CIMAP3: variants seen among roughly 807,000 people sequenced by gnomAD.
CIMAP3 encodes ciliary microtubule-associated protein 3.
At chr1:111,327,429 T>C in the CIMAP3 span, among the ~76,000 whole-genome samples, 1 of 152,104 alleles carries the variant, frequency 6.6e-6, no homozygotes, top group South Asian at 2.1e-4. Flanking sequence ...TGTAGGAAAA[T>C]GGTCCCAGCT....
At chr1:111,344,767 A>T in the CIMAP3 span, among the ~76,000 whole-genome samples, 1 of 152,212 alleles carries the variant, frequency 6.6e-6, no homozygotes, top group Non-Finnish European at 1.5e-5. Flanking sequence ...TACCTAAATT[A>T]TTAATGGAAG....
chr1:111,327,882 C>A, the CIMAP3 span, among the ~76,000 whole-genome samples: 1 of 151,884 alleles, frequency 6.6e-6, no homozygotes, highest in Middle Eastern at 3.4e-3. Context: ...TATTTCTCAT[C>A]TTCTGCAAGC....
chr1:111,340,425 C>A, the CIMAP3 span, among the ~76,000 whole-genome samples: 1 of 152,004 alleles, frequency 6.6e-6, no homozygotes, highest in Non-Finnish European at 1.5e-5. Flanking sequence ...AGGCAACCCA[C>A]AAAATTGGAG....
the CIMAP3 span, among the ~76,000 whole-genome samples, chr1:111,337,485 A>C: frequency 6.6e-6 from 1 of 152,098 alleles, no homozygotes; most frequent in East Asian, 1.9e-4. Flanking sequence ...TAGGCTCAAA[A>C]TAAAAGGATG....
At chr1:111,328,156 T>C in the CIMAP3 span, among the ~76,000 whole-genome samples, 3 of 152,184 alleles carry the variant, frequency 2.0e-5, no homozygotes, top group Non-Finnish European at 4.4e-5. Flanking sequence ...AATTGTATAG[T>C]TTTGAGCGAT....
the CIMAP3 span, chr1:111,346,563 C>A: frequency 3.1e-6 from 5 of 1,598,770 alleles, no homozygotes; most frequent in African/African-American, 1.3e-5. Flanking sequence ...GGCCCTCTCC[C>A]CCTCCCCGCG....
At chr1:111,347,001 C>CCCT in the CIMAP3 span, 1 of 1,614,002 alleles carries the variant, frequency 6.2e-7, no homozygotes, top group Non-Finnish European at 8.5e-7. Context: ...ACAAGTTTGT[C>CCCT]CCTCTTAGGG....
At chr1:111,343,488 G>A in the CIMAP3 span, among the ~76,000 whole-genome samples, 1 of 152,178 alleles carries the variant, frequency 6.6e-6, no homozygotes, top group South Asian at 2.1e-4. Flanking sequence ...AATTCTTAAG[G>A]TCTTCATCAA....
chr1:111,345,432 C>G, the CIMAP3 span, among the ~76,000 whole-genome samples: 6 of 152,172 alleles, frequency 3.9e-5, no homozygotes, highest in Non-Finnish European at 8.8e-5. Flanking sequence ...ATTTGAATGT[C>G]ATGTGGGACA....
chr1:111,332,413 G>GAGTC, the CIMAP3 span, among the ~76,000 whole-genome samples: 5 of 152,280 alleles, frequency 3.3e-5, no homozygotes, highest in East Asian at 9.6e-4. Flanking sequence ...GTCTAGTTAT[G>GAGTC]AGTCTGCAGT....
At chr1:111,348,345 C>CGTATCTCGGTT in the CIMAP3 span, 1 of 594,800 alleles carries the variant, frequency 1.7e-6, no homozygotes, top group Admixed American at 3.2e-5. Context: ...GAACCACACC[C>CGTATCTCGGTT]GTATCTCGGT....
chr1:111,347,581 G>A, the CIMAP3 span: 3 of 763,320 alleles, frequency 3.9e-6, no homozygotes, highest in Admixed American at 4.5e-5. Context: ...ACTCCATTTC[G>A]ATGGCCCTGA....
chr1:111,325,224 G>C, the CIMAP3 span, among the ~76,000 whole-genome samples: 2,562 of 152,264 alleles, frequency 0.017, 77 homozygotes, highest in African/African-American at 0.057. Flanking sequence ...TTGTCCTTGT[G>C]TTAGCTCTGA....
chr1:111,337,556 T>C, the CIMAP3 span, among the ~76,000 whole-genome samples: 1 of 151,936 alleles, frequency 6.6e-6, no homozygotes, highest in Non-Finnish European at 1.5e-5. Context: ...TCCTAGTCTC[T>C]GATAAAACAG....
At chr1:111,335,533 G>T in the CIMAP3 span, among the ~76,000 whole-genome samples, 2 of 152,198 alleles carry the variant, frequency 1.3e-5, no homozygotes, top group Non-Finnish European at 2.9e-5. Flanking sequence ...AAAAAACAGC[G>T]CACCAGGAGA....
the CIMAP3 span, chr1:111,346,517 C>G: frequency 7.2e-7 from 1 of 1,397,328 alleles, no homozygotes; most frequent in Non-Finnish European, 9.8e-7. Flanking sequence ...AGTAGTGGCT[C>G]GGTGGACGCC....
At chr1:111,351,757 GT>G in the CIMAP3 span, 1 of 153,890 alleles carries the variant, frequency 6.5e-6, no homozygotes, top group African/African-American at 2.4e-5. Flanking sequence ...ATTAAAACAT[GT>G]ATTGGAGCTC....
At chr1:111,331,952 G>A in the CIMAP3 span, among the ~76,000 whole-genome samples, 1 of 152,180 alleles carries the variant, frequency 6.6e-6, no homozygotes, top group African/African-American at 2.4e-5. Flanking sequence ...TCTCCATGTA[G>A]TGACCAGCTA....
At chr1:111,338,508 A>C in the CIMAP3 span, among the ~76,000 whole-genome samples, 10 of 152,216 alleles carry the variant, frequency 6.6e-5, 1 homozygote, top group Admixed American at 5.2e-4. Flanking sequence ...ACAATAAAAA[A>C]TGATAAAGGG....
Sources: allele counts gnomAD v4.1 joint callset (sites outside exome capture counted in the v4.1 genomes callset), GRCh38; gene constraint gnomAD v4.1.1; transcripts MANE v1.5; gene names NCBI Gene and HGNC (gene_info 2026-07-23, HGNC 2026-07-21).